LPP: variants seen among roughly 807,000 people sequenced by gnomAD.
LPP encodes the protein lipoma-preferred partner.
Under a neutral mutation model 60.4 loss-of-function variants are expected in LPP, and 38 were observed. That is an observed-to-expected ratio of 0.63 (90% CI 0.49 to 0.83). The LOEUF is 0.83. LPP is among the 40% of genes least tolerant of loss of function. The pLI, the probability that LPP is intolerant of heterozygous loss-of-function variation, is 0.00. For missense variants in LPP, 902 were observed against 783.6 expected, an observed-to-expected ratio of 1.15 and a Z score of -1.80; for synonymous variants, 328 against 290.8, an observed-to-expected ratio of 1.13 and a Z score of -1.30.
chr3:188,708,078 A>G (rs1214499324), intron 7 of LPP, among the ~76,000 whole-genome samples, 189 bp from the exon 8 acceptor site: 1 of 152,252 alleles, frequency 6.6e-6, no homozygotes, highest in Non-Finnish European at 1.5e-5. Context: ...TAGATAAGGC[A>G]AATGAGTAAA....
At chr3:188,516,097 G>T (rs1310531257) in intron 5 of LPP, among the ~76,000 whole-genome samples, 1 of 152,156 alleles carries the variant, frequency 6.6e-6, no homozygotes, top group East Asian at 1.9e-4. Flanking sequence ...AGACAAAGAG[G>T]AGTCAGTTAT....
chr3:188,240,064 G>C (rs73190773), intron 2 of LPP: 4 of 197,814 alleles, frequency 2.0e-5, no homozygotes, highest in Non-Finnish European at 3.1e-5. Context: ...TAGATCTCTG[G>C]TATTGCTGTC....
chr3:188,511,226 C>T (rs1579498358), intron 5 of LPP, among the ~76,000 whole-genome samples: 3 of 115,520 alleles, frequency 2.6e-5, no homozygotes, highest in African/African-American at 6.7e-5. Flanking sequence ...CTTCCTTCCT[C>T]CCTTCCTCCC....
intron 6 of LPP, among the ~76,000 whole-genome samples, chr3:188,593,170 G>GTGTGTC (rs1251890415): frequency 6.6e-6 from 1 of 151,782 alleles, no homozygotes; most frequent in Non-Finnish European, 1.5e-5. Context: ...GTGTGTGTGT[G>GTGTGTC]TGTGTGTGTG....
intron 9 of LPP, among the ~76,000 whole-genome samples, chr3:188,799,977 G>A (rs969611674): frequency 5.3e-5 from 8 of 152,128 alleles, no homozygotes; most frequent in South Asian, 2.1e-4. Flanking sequence ...ATATACGTGC[G>A]TATGTATACA....
chr3:188,775,416 T>C lies in LPP; in HGVS notation c.1410+15134T>C, dbSNP rs935078748. On this transcript the variant is annotated intron_variant, in intron 9 of 11. Coordinates refer to ENST00000617246, the MANE Select transcript of LPP (RefSeq NM_001375462.1). ...TGGCTTTAAACAATTTTGCTAGACATTCAGTAGGGCCTGATGAGTGTTTAA... is the reference window on the plus strand; with the variant it reads ...TGGCTTTAAACAATTTTGCTAGACACTCAGTAGGGCCTGATGAGTGTTTAA... 1.6e-4 allele frequency among the ~76,000 whole-genome samples: 25 copies of C among 152,176 alleles called. 1 individual carries two copies. Among genetic ancestry groups the C allele is most frequent in the African/African-American group, 6.0e-4 (25 of 41,454 alleles).
chr3:188,414,204 A>C (rs79643292), intron 4 of LPP, among the ~76,000 whole-genome samples: 1 of 152,096 alleles, frequency 6.6e-6, no homozygotes, highest in Non-Finnish European at 1.5e-5. Context: ...CTTTACATAT[A>C]ATTACCAATA....
At position 188,878,759 on chromosome 3, in the gene LPP, T is replaced by TAAAAAAAAAAAAAAAAAAA. The variant is rs11448997; in HGVS notation, c.*4296_*4297insAAAAAAAAAAAAAAAAAAA. ...ATATACTCACCAAAAAGTAAAAAAG[T>TAAAAAAAAAAAAAAAAAAA]AAAAAAAAAAAAAAAAGAAAGAAAG... On this transcript the variant is annotated 3_prime_UTR_variant, in exon 12 of 12. Coordinates refer to ENST00000617246, the MANE Select transcript of LPP (RefSeq NM_001375462.1). 4 of 153,930 alleles carry TAAAAAAAAAAAAAAAAAAA rather than the reference T, an allele frequency of 2.6e-5. No individual in the cohort carries two copies. The highest frequency in any genetic ancestry group is 5.7e-5 in the African/African-American group (2 of 34,834). The allele number at this position is 153,930 out of a possible 1,614,324, so 9.5% of individuals were successfully genotyped here.
At chr3:188,666,434 G>T (rs1275202175) in intron 7 of LPP, among the ~76,000 whole-genome samples, 3 of 152,304 alleles carry the variant, frequency 2.0e-5, no homozygotes, top group Non-Finnish European at 4.4e-5. Context: ...GATTTAAAAG[G>T]TTCATCAAGG....
chr3:188,210,542 C>T (rs1012013246), intron 1 of LPP, among the ~76,000 whole-genome samples: 14 of 152,220 alleles, frequency 9.2e-5, no homozygotes, highest in African/African-American at 3.4e-4. Context: ...GCCTTTATGG[C>T]CACTTCTAAT....
chr3:188,615,313 A>G (rs906699416), intron 7 of LPP, among the ~76,000 whole-genome samples: 1 of 152,082 alleles, frequency 6.6e-6, no homozygotes, highest in African/African-American at 2.4e-5. Context: ...CCCAAATAAA[A>G]TCTACACATC....
chr3:188,872,574 C>T, intron 10 of LPP, 69 bp from the exon 11 acceptor site: 1 of 1,592,984 alleles, frequency 6.3e-7, no homozygotes, highest in Non-Finnish European at 8.6e-7. Flanking sequence ...CCACCTCTTC[C>T]TTTTACCTCT....
rs1374721159 is a variant in LPP at position 188,339,454 on chromosome 3, C to A, written c.-66-2209C>A. 2.6e-5 allele frequency among the ~76,000 whole-genome samples: 4 copies of A among 152,068 alleles called. No homozygotes were observed. In the East Asian group the frequency reaches 7.7e-4, roughly 29 times the overall value. On this transcript the variant is annotated intron_variant, in intron 2 of 11. Transcript: ENST00000617246. ...TGCTATAAAGAACTGCCAGAGACCA[C>A]GTAATTTATAAAGAAAGAGGTTTAA...
chr3:188,528,744 G>T (rs187796452), intron 6 of LPP, among the ~76,000 whole-genome samples: 2 of 152,114 alleles, frequency 1.3e-5, no homozygotes, highest in Non-Finnish European at 2.9e-5. Flanking sequence ...TGAGCACTGC[G>T]TGAGCACAAC....
chr3:188,682,451 G>A lies in LPP; in HGVS notation c.1114-25816G>A, dbSNP rs17670280. ...CCTTGTACTTTTCCAGTCTGAATTCGTTTTGTAGGCTGTCCCTGCCCTGAC... is the reference window on the plus strand; with the variant it reads ...CCTTGTACTTTTCCAGTCTGAATTCATTTTGTAGGCTGTCCCTGCCCTGAC... On this transcript the variant is annotated intron_variant, in intron 7 of 11. Transcript: ENST00000617246. Among the ~76,000 whole-genome samples the A allele has an allele frequency of 3.3e-5, 5 of 152,174 alleles. No individual in the cohort carries two copies. In the South Asian group the frequency reaches 8.3e-4, roughly 25 times the overall value.
intron 2 of LPP, among the ~76,000 whole-genome samples, chr3:188,227,171 T>A (rs1194253580): frequency 6.6e-6 from 1 of 151,740 alleles, no homozygotes; most frequent in Admixed American, 6.6e-5. Context: ...TTATTTATTT[T>A]ATTTTTATTT....
chr3:188,258,230 T>A (rs1383669435), intron 2 of LPP, among the ~76,000 whole-genome samples: 2 of 152,252 alleles, frequency 1.3e-5, no homozygotes, highest in Non-Finnish European at 2.9e-5. Flanking sequence ...CCCATTTATT[T>A]GAGTTCTTAC....
chr3:188,433,703 G>C (rs1323996643), intron 4 of LPP, among the ~76,000 whole-genome samples: 1 of 147,972 alleles, frequency 6.8e-6, no homozygotes. Flanking sequence ...AGAGAGAGAT[G>C]ATGGAGAAGA....
At chr3:188,384,979 A>T (rs1777904996) in intron 3 of LPP, among the ~76,000 whole-genome samples, 1 of 151,432 alleles carries the variant, frequency 6.6e-6, no homozygotes, top group South Asian at 2.1e-4. Context: ...ACAGACCAGT[A>T]CCCAGCCTTT....
Sources: allele counts gnomAD v4.1 joint callset (sites outside exome capture counted in the v4.1 genomes callset), GRCh38; gene constraint gnomAD v4.1.1; transcripts MANE v1.5; gene names NCBI Gene and HGNC (gene_info 2026-07-23, HGNC 2026-07-21).